GABRB2: variants seen among roughly 807,000 people sequenced by gnomAD.
The protein encoded by GABRB2 is gamma-aminobutyric acid receptor subunit beta-2.
Under a neutral mutation model 54.7 loss-of-function variants are expected in GABRB2, and 16 were observed. That is an observed-to-expected ratio of 0.29 (90% CI 0.20 to 0.44). The LOEUF is 0.44. GABRB2 is among the 20% of genes least tolerant of loss of function. GABRB2 has a pLI of 1.00. For synonymous variants in GABRB2, 244 were observed against 233.8 expected (o/e 1.04, Z -0.40); for missense variants, 355 against 644.0 (o/e 0.55, Z 4.86).
intron 4 of GABRB2, among the ~76,000 whole-genome samples, chr5:161,432,212 GT>G (rs1186084829): frequency 1.3e-5 from 2 of 152,222 alleles, no homozygotes; most frequent in African/African-American, 4.8e-5. Context: ...CCCAGTGGGT[GT>G]CTGAGTTTGC....
chr5:161,477,100 G>A (rs892723350), intron 3 of GABRB2, among the ~76,000 whole-genome samples: 12 of 151,562 alleles, frequency 7.9e-5, no homozygotes, highest in South Asian at 2.1e-4. Context: ...AACAAACAAC[G>A]TGATTAAAAA....
chr5:161,508,809 T>C (rs1264935098), intron 3 of GABRB2, among the ~76,000 whole-genome samples: 1 of 152,052 alleles, frequency 6.6e-6, no homozygotes, highest in Non-Finnish European at 1.5e-5. Context: ...GTATTCTTAA[T>C]TGGTTGCATA....
chr5:161,542,068 G>A (rs891455195), intron 3 of GABRB2, among the ~76,000 whole-genome samples: 7 of 152,074 alleles, frequency 4.6e-5, no homozygotes, highest in Admixed American at 1.3e-4. Context: ...AGAGGGAGAC[G>A]GACAGGGGGA....
intron 3 of GABRB2, among the ~76,000 whole-genome samples, chr5:161,531,905 G>A (rs1364992899): frequency 6.6e-6 from 1 of 151,758 alleles, no homozygotes; most frequent in African/African-American, 2.4e-5. Context: ...TCTCAACAAC[G>A]CTGCTTACCA....
At chr5:161,338,441 G>A (rs900332026) in intron 5 of GABRB2, among the ~76,000 whole-genome samples, 7 of 152,058 alleles carry the variant, frequency 4.6e-5, no homozygotes, top group African/African-American at 7.2e-5. Context: ...ATGATCTAAC[G>A]TAGAGCCATC....
intron 5 of GABRB2, among the ~76,000 whole-genome samples, chr5:161,355,343 TATATG>T (rs1754587093): frequency 6.7e-6 from 1 of 148,548 alleles, no homozygotes; most frequent in Admixed American, 6.8e-5. Flanking sequence ...ACATATGGTA[TATATG>T]ATATAATATA....
intron 3 of GABRB2, among the ~76,000 whole-genome samples, chr5:161,529,472 A>C (rs1205995249): frequency 6.6e-6 from 1 of 152,024 alleles, no homozygotes; most frequent in Non-Finnish European, 1.5e-5. Context: ...CAGCTCCAGC[A>C]CTTTCTAGCT....
At chr5:161,509,816 A>G (rs899910886) in intron 3 of GABRB2, among the ~76,000 whole-genome samples, 1 of 151,976 alleles carries the variant, frequency 6.6e-6, no homozygotes, top group African/African-American at 2.4e-5. Flanking sequence ...AAAGGCCACT[A>G]TCATCTCTGC....
At chr5:161,431,412 AG>A (rs1261233582) in intron 4 of GABRB2, among the ~76,000 whole-genome samples, 1 of 152,218 alleles carries the variant, frequency 6.6e-6, no homozygotes, top group Non-Finnish European at 1.5e-5. Context: ...TGCAAGAGAT[AG>A]CAATTAATGC....
At chr5:161,421,527 A>T (rs1000539151) in intron 4 of GABRB2, among the ~76,000 whole-genome samples, 1 of 152,190 alleles carries the variant, frequency 6.6e-6, no homozygotes, top group Non-Finnish European at 1.5e-5. Context: ...TCTGTGGCTG[A>T]CTCAATGACT....
intron 5 of GABRB2, among the ~76,000 whole-genome samples, chr5:161,343,542 T>A (rs1176319881): frequency 6.6e-6 from 1 of 152,124 alleles, no homozygotes; most frequent in Admixed American, 6.6e-5. Flanking sequence ...CAAGGTGATC[T>A]GGTGGCTGTT....
chr5:161,452,565 G>A (rs993395754), intron 4 of GABRB2, among the ~76,000 whole-genome samples: 3 of 152,186 alleles, frequency 2.0e-5, no homozygotes, highest in Non-Finnish European at 4.4e-5. Context: ...CGCTTCAGCT[G>A]AGTTCATTGA....
At chr5:161,301,406 T>G (rs767137941) in intron 9 of GABRB2, among the ~76,000 whole-genome samples, 12 of 152,052 alleles carry the variant, frequency 7.9e-5, no homozygotes, top group Non-Finnish European at 1.8e-4. Context: ...GAGAAACCAC[T>G]AAACTTTCTT....
chr5:161,304,408 A>G (rs1319290729), intron 9 of GABRB2, among the ~76,000 whole-genome samples: 1 of 152,208 alleles, frequency 6.6e-6, no homozygotes, highest in Admixed American at 6.5e-5. Context: ...GCCTGGCAAA[A>G]ATCCCATAGT....
At chr5:161,307,178 C>A (rs1403453725) in intron 9 of GABRB2, among the ~76,000 whole-genome samples, 1 of 152,100 alleles carries the variant, frequency 6.6e-6, no homozygotes. Flanking sequence ...AGTTCAAATT[C>A]TTTTTTCATG....
intron 9 of GABRB2, among the ~76,000 whole-genome samples, chr5:161,322,668 C>G (rs1455261751): frequency 6.6e-6 from 1 of 152,086 alleles, no homozygotes; most frequent in African/African-American, 2.4e-5. Context: ...AGTACCTGTT[C>G]TGTATATTTA....
At chr5:161,324,792 A>T (rs568087324) in intron 9 of GABRB2, among the ~76,000 whole-genome samples, 1 of 152,274 alleles carries the variant, frequency 6.6e-6, no homozygotes, top group South Asian at 2.1e-4. Flanking sequence ...AACATAGAAA[A>T]GTATAAAAAC....
At chr5:161,504,795 TAA>T (rs397737798) in intron 3 of GABRB2, among the ~76,000 whole-genome samples, 11 of 140,858 alleles carry the variant, frequency 7.8e-5, no homozygotes, top group African/African-American at 2.3e-4. Context: ...CGAAAGGAAT[TAA>T]AAAAAAAAAA....
chr5:161,511,566 A>G (rs1759769153), intron 3 of GABRB2, among the ~76,000 whole-genome samples: 1 of 152,020 alleles, frequency 6.6e-6, no homozygotes, highest in Admixed American at 6.6e-5. Context: ...TTCATAATTA[A>G]TGGTTATCTT....
Sources: allele counts gnomAD v4.1 joint callset (sites outside exome capture counted in the v4.1 genomes callset), GRCh38; gene constraint gnomAD v4.1.1; transcripts MANE v1.5; gene names NCBI Gene and HGNC (gene_info 2026-07-23, HGNC 2026-07-21).